Variants in DCTN1 observed in about 807,000 individuals in gnomAD.
DCTN1 encodes the protein dynactin subunit 1.
A neutral mutation model predicts 161.2 loss-of-function variants in DCTN1; 61 were observed. The ratio of observed to expected loss-of-function variants is 0.38; its 90% CI spans 0.31 to 0.47. The LOEUF is 0.47. DCTN1 is among the 20% of genes least tolerant of loss of function. DCTN1 has a pLI of 0.99. For missense variants in DCTN1, 1,404 were observed against 1,623.7 expected, an observed-to-expected ratio of 0.86 and a Z score of 2.33; for synonymous variants, 653 against 632.4, an observed-to-expected ratio of 1.03 and a Z score of -0.49.
chr2:74,365,822 C>T, intron 24 of DCTN1, 71 bp downstream of exon 24: 2 of 1,613,726 alleles, frequency 1.2e-6, no homozygotes, highest in Non-Finnish European at 1.7e-6. Flanking sequence ...GTCCCGATCC[C>T]CAACACTCAC....
In DCTN1 at chr2:74,366,847, A is replaced by C; in HGVS notation, c.2402T>G (p.Ile801Ser). Residue 801 changes from isoleucine (I) to serine (S), a missense_variant, in exon 21 of 32, where the codon ATC (isoleucine) becomes AGC (serine). Physicochemically the swap from Ile to Ser is moderately radical, Grantham distance 142 (BLOSUM62 -2). Coordinates refer to ENST00000628224, the MANE Select transcript of DCTN1 (RefSeq NM_004082.5). ...CSDIRQFCKK[I>S]RRRMPGTDAP... The stretch of plus-strand genomic sequence containing the variant: ...ATCTGTCCCTGGCATTCGCCTTCGG[A>C]TCTTCTTGCAGAACTGGCGGATGTC... 2 of 1,614,242 alleles carry C rather than the reference A, an allele frequency of 1.2e-6. No individual in the cohort carries two copies. Among genetic ancestry groups the C allele is most frequent in the Non-Finnish European group, 1.7e-6 (2 of 1,180,044 alleles).
At chr2:74,391,292 G>GT (rs1165569872) in intron 1 of DCTN1, 2 of 164,298 alleles carry the variant, frequency 1.2e-5, no homozygotes, top group Non-Finnish European at 2.6e-5. Flanking sequence ...CCTTATCTGT[G>GT]TGATTTAGCT....
chr2:74,366,151 C>T (rs1674391055), intron 23 of DCTN1, 93 bp downstream of exon 23: 1 of 1,610,638 alleles, frequency 6.2e-7, no homozygotes, highest in Non-Finnish European at 8.5e-7. Flanking sequence ...AGATGCCTTC[C>T]TCCTGTCTCC....
At chr2:74,388,743 C>A (rs150157764) in intron 1 of DCTN1, among the ~76,000 whole-genome samples, 28 of 152,310 alleles carry the variant, frequency 1.8e-4, no homozygotes, top group African/African-American at 6.3e-4. Context: ...TCTAAGCACT[C>A]GGCGTAGGGC....
chr2:74,363,585 G>C (rs769309153), intron 27 of DCTN1, 29 bp downstream of exon 27: 1 of 1,612,666 alleles, frequency 6.2e-7, no homozygotes, highest in Non-Finnish European at 8.5e-7. Context: ...CCACCAGCCT[G>C]GTAACCCCCG....
At chr2:74,373,336 C>T (rs1573169976) in intron 6 of DCTN1, 2 of 328,984 alleles carry the variant, frequency 6.1e-6, no homozygotes, top group Non-Finnish European at 1.2e-5. Context: ...CCAGAGGCCC[C>T]GCCCAGCCAC....
chr2:74,381,263 G>T (rs1191079921), upstream of DCTN1, among the ~76,000 whole-genome samples: 1 of 152,170 alleles, frequency 6.6e-6, no homozygotes, highest in African/African-American at 2.4e-5. Context: ...GTTGGCCTGG[G>T]GTCTGACCTA....
intron 26 of DCTN1, chr2:74,364,852 C>T (rs940950438): frequency 1.3e-5 from 8 of 604,366 alleles, no homozygotes; most frequent in Admixed American, 2.7e-5. Flanking sequence ...TTCTGAGCCT[C>T]ATTAACAATT....
At chr2:74,374,826 AAAG>A in intron 5 of DCTN1, 4 of 927,060 alleles carry the variant, frequency 4.3e-6, no homozygotes, top group South Asian at 4.0e-5. Flanking sequence ...TTCTTTCTCC[AAAG>A]AACAGGTTTT....
upstream of DCTN1, among the ~76,000 whole-genome samples, chr2:74,381,284 G>T (rs561285917): frequency 6.6e-6 from 1 of 152,302 alleles, no homozygotes; most frequent in South Asian, 2.1e-4. Context: ...TGGCTCCACT[G>T]AGTATGGTAT....
At chr2:74,377,024 G>A (rs1213937648) in intron 4 of DCTN1, among the ~76,000 whole-genome samples, 1 of 152,232 alleles carries the variant, frequency 6.6e-6, no homozygotes, top group Non-Finnish European at 1.5e-5. Context: ...TAAAACAGGA[G>A]GCAGAGGGCC....
chr2:74,366,268 A>G lies in DCTN1; in HGVS notation c.2736T>C (p.Tyr912=), dbSNP rs72659381. 1.6e-5 allele frequency: 26 copies of G among 1,614,036 alleles called. No homozygotes were observed. The highest frequency in any genetic ancestry group is 4.0e-5 in the African/African-American group (3 of 74,922). The change falls in exon 23 of 32, where the codon TAT becomes TAC. Residue 912 remains tyrosine, a synonymous_variant. Transcript: ENST00000628224. ...CCTTGCTGGGGGGCCGCTCTGCATC[A>G]TACTCCCCCTCCTGCATGGCTGTGG... ...KLATAMQEGE[Y]DAERPPSKPP...
intron 31 of DCTN1, 112 bp downstream of exon 31, chr2:74,361,940 G>C (rs1423036672): frequency 8.5e-7 from 1 of 1,176,472 alleles, no homozygotes; most frequent in Non-Finnish European, 1.3e-6. Flanking sequence ...ATAACCCAAG[G>C]TATGCAGTTG....
At position 74,380,268 on chromosome 2, in the gene DCTN1, C is replaced by T. The variant is rs1046294821; in HGVS notation, c.-231G>A. On this transcript the variant is annotated 5_prime_UTR_variant, in exon 1 of 32. Transcript: ENST00000628224. ...CTCTGCTGCCTGAGGATTCCTGAAC[C>T]CAGAGACACAGAATCCTGCTTGCCA... is the stretch of plus-strand genomic sequence containing the variant. 3 of 623,450 alleles carry T rather than the reference C, an allele frequency of 4.8e-6. No homozygotes were observed. The highest frequency in any genetic ancestry group is 8.8e-6 in the Non-Finnish European group (3 of 342,344). The allele number at this position is 623,450 out of a possible 1,614,324, so 38.6% of individuals were successfully genotyped here.
chr2:74,378,468 T>A (rs1423219540), intron 1 of DCTN1, among the ~76,000 whole-genome samples: 1 of 152,256 alleles, frequency 6.6e-6, no homozygotes, highest in Non-Finnish European at 1.5e-5. Context: ...CTAGAATTTT[T>A]AAGTTTATAT....
At chr2:74,386,368 T>C (rs1401249825) in intron 1 of DCTN1, among the ~76,000 whole-genome samples, 1 of 152,230 alleles carries the variant, frequency 6.6e-6, no homozygotes, top group African/African-American at 2.4e-5. Flanking sequence ...AAAGGGATAA[T>C]AACAATAACT....
chr2:74,385,801 C>T (rs756461202), intron 1 of DCTN1: 3 of 152,222 alleles, frequency 2.0e-5, no homozygotes, highest in Non-Finnish European at 4.4e-5. Flanking sequence ...TCTCCTTTCA[C>T]TCAAGTCAGG....
rs750841538 is a variant in DCTN1 at position 74,365,189 on chromosome 2, C to T, written c.3082G>A (p.Ala1028Thr). The stretch of plus-strand genomic sequence containing the variant: ...CGCTGCTTTAGTTCTGCCTTCTCTG[C>T]CTCCAGCTGGTCGATGTCAGCCTGG... ...ALQADIDQLE[A>T]EKAELKQRLN... The change falls in exon 26 of 32, where the codon GCA (alanine) becomes ACA (threonine). Residue 1028 changes from alanine (A) to threonine (T), a missense_variant. Ala to Thr is a moderately conservative substitution (Grantham distance 58, BLOSUM62 0). This residue lies in a region of DCTN1 where 23 missense variants were observed against 48.5 expected (regional missense o/e 0.47). Transcript: ENST00000628224. The T allele has an allele frequency of 6.2e-7, 1 of 1,614,198 alleles. No individual in the cohort carries two copies. Among genetic ancestry groups the T allele is most frequent in the African/African-American group, 1.3e-5 (1 of 75,034 alleles).
At position 74,365,516 on chromosome 2, in the gene DCTN1, TCTC is replaced by T. The variant is rs1485172486; in HGVS notation, c.3025_3027del (p.Glu1009del). The T allele has an allele frequency of 1.9e-6, 3 of 1,613,726 alleles. No individual in the cohort carries two copies. The highest frequency in any genetic ancestry group is 1.3e-5 in the African/African-American group (1 of 74,804). On this transcript the variant is annotated inframe_deletion and splice_region_variant, in exon 25 of 32. Coordinates refer to ENST00000628224, the MANE Select transcript of DCTN1 (RefSeq NM_004082.5). ...AAGGCCCCAGGGAAAGTGCCTGACT[TCTC>T]CTTCTTTCGCAGCAGTGCCTGGGTC... is the stretch of plus-strand genomic sequence containing the variant.
Sources: allele counts gnomAD v4.1 joint callset (sites outside exome capture counted in the v4.1 genomes callset), GRCh38; gene constraint gnomAD v4.1.1; regional missense constraint gnomAD v4.1.1; transcripts MANE v1.5; gene names NCBI Gene and HGNC (gene_info 2026-07-23, HGNC 2026-07-21).